DACH1: variants seen among roughly 807,000 people sequenced by gnomAD.
DACH1 encodes dachshund family transcription factor 1.
A neutral mutation model predicts 54.2 loss-of-function variants in DACH1; 12 were observed. That is an observed-to-expected ratio of 0.22 (90% CI 0.14 to 0.36). The LOEUF is 0.36. Among genes scored for constraint, DACH1 ranks in the 10% least tolerant of loss-of-function variants. DACH1 has a pLI of 1.00. For synonymous variants in DACH1, 386 were observed against 366.2 expected, an observed-to-expected ratio of 1.05 and a Z score of -0.62; for missense variants, 805 against 929.8, an observed-to-expected ratio of 0.87 and a Z score of 1.75.
intron 3 of DACH1, among the ~76,000 whole-genome samples, chr13:71,584,900 G>A (rs1400476094): frequency 2.6e-5 from 4 of 151,878 alleles, no homozygotes; most frequent in Non-Finnish European, 5.9e-5. Context: ...AAGAAATAGA[G>A]CAGAAAACAT....
chr13:71,815,892 T>C (rs934908185), intron 1 of DACH1, among the ~76,000 whole-genome samples: 14 of 152,104 alleles, frequency 9.2e-5, no homozygotes, highest in African/African-American at 2.7e-4. Flanking sequence ...GAGACCATCC[T>C]GGCTAACACG....
intron 1 of DACH1, among the ~76,000 whole-genome samples, chr13:71,716,955 G>A (rs1201397464): frequency 1.3e-5 from 2 of 152,086 alleles, no homozygotes; most frequent in African/African-American, 4.8e-5. Flanking sequence ...GCATGCATTA[G>A]GTAATTAACT....
rs73523456 is a variant in DACH1 at position 71,705,228 on chromosome 13, C to T, written c.849-23318G>A. 7.5e-3 allele frequency among the ~76,000 whole-genome samples: 1,146 copies of T among 152,196 alleles called. 20 individuals are homozygous for T. The highest frequency in any genetic ancestry group is 0.026 in the African/African-American group (1,082 of 41,546). ...GTAGACTGTCATAAATCTTGGACTT[C>T]GTTTTCCTCTAGTAATAATATTTTG... is the stretch of plus-strand genomic sequence containing the variant. On this transcript the variant is annotated intron_variant, in intron 1 of 10. Coordinates refer to ENST00000613252, the MANE Select transcript of DACH1 (RefSeq NM_080759.6).
intron 1 of DACH1, among the ~76,000 whole-genome samples, chr13:71,748,896 T>C (rs202216361): frequency 0.01 from 675 of 64,748 alleles, 8 homozygotes; most frequent in African/African-American, 0.028. Context: ...CTTTCTTTCT[T>C]TCTCTTTCTT....
chr13:71,491,281 T>C (rs1200061139), intron 6 of DACH1, among the ~76,000 whole-genome samples: 1 of 152,190 alleles, frequency 6.6e-6, no homozygotes, highest in African/African-American at 2.4e-5. Context: ...AATTGTTAAA[T>C]AGCTAATTCC....
chr13:71,605,296 A>G (rs1044399037), intron 3 of DACH1, among the ~76,000 whole-genome samples: 1 of 151,856 alleles, frequency 6.6e-6, no homozygotes, highest in African/African-American at 2.4e-5. Flanking sequence ...TATCGGGAAT[A>G]TATTCTTAGC....
At chr13:71,615,926 G>A (rs1875726357) in intron 3 of DACH1, among the ~76,000 whole-genome samples, 1 of 152,014 alleles carries the variant, frequency 6.6e-6, no homozygotes, top group African/African-American at 2.4e-5. Context: ...AGTGTTCAGA[G>A]AACTAATTTA....
intron 1 of DACH1, among the ~76,000 whole-genome samples, chr13:71,689,728 A>C (rs933046587): frequency 6.6e-6 from 1 of 152,182 alleles, no homozygotes; most frequent in Non-Finnish European, 1.5e-5. Context: ...AGAAAGAATT[A>C]AAACACATTG....
chr13:71,779,294 C>CAT (rs1176433186), intron 1 of DACH1, among the ~76,000 whole-genome samples: 5 of 61,158 alleles, frequency 8.2e-5, no homozygotes, highest in South Asian at 3.1e-4. Context: ...TATATATACA[C>CAT]ATATATATAT....
rs551468550 is a variant in DACH1 at position 71,744,598 on chromosome 13, T to C, written c.849-62688A>G. Among the ~76,000 whole-genome samples the C allele has an allele frequency of 2.0e-5, 3 of 152,244 alleles. No individual in the cohort carries two copies. In the East Asian group the frequency reaches 5.8e-4, roughly 29 times the overall value. On this transcript the variant is annotated intron_variant, in intron 1 of 10. Coordinates refer to ENST00000613252, the MANE Select transcript of DACH1 (RefSeq NM_080759.6). ...CACAAGAAGGCAAAAACTCTTACAA[T>C]TAGTGTAGCCAAACAGTAAGACCAT...
chr13:71,573,091 A>T, intron 3 of DACH1, 79 bp from the exon 4 acceptor site: 1 of 1,382,444 alleles, frequency 7.2e-7, no homozygotes, highest in Non-Finnish European at 9.9e-7. Flanking sequence ...AAGTTTTCTA[A>T]TAATGGTAGT....
chr13:71,530,765 C>T (rs1882363764), intron 6 of DACH1, among the ~76,000 whole-genome samples: 2 of 152,206 alleles, frequency 1.3e-5, no homozygotes, highest in African/African-American at 4.8e-5. Flanking sequence ...ACTTTGACAT[C>T]ATGTCAAATA....
At chr13:71,473,160 A>T (rs1877231792) in intron 10 of DACH1, among the ~76,000 whole-genome samples, 1 of 152,234 alleles carries the variant, frequency 6.6e-6, no homozygotes, top group Non-Finnish European at 1.5e-5. Flanking sequence ...AGTATGTTTT[A>T]TTAAAAAACA....
At chr13:71,821,429 A>ATTTAAATTGAAATTTAAATTCTAAGAT (rs1888180940) in intron 1 of DACH1, among the ~76,000 whole-genome samples, 1 of 131,218 alleles carries the variant, frequency 7.6e-6, no homozygotes. Context: ...AAGATTTTAA[A>ATTTAAATTGAAATTTAAATTCTAAGAT]TTTAAATTTA....
At chr13:71,673,292 A>G (rs1880315060) in intron 2 of DACH1, among the ~76,000 whole-genome samples, 1 of 152,154 alleles carries the variant, frequency 6.6e-6, no homozygotes, top group Non-Finnish European at 1.5e-5. Context: ...CTAGTAACAG[A>G]CCCAGGGTAT....
At chr13:71,491,628 T>C (rs1296515982) in intron 6 of DACH1, among the ~76,000 whole-genome samples, 1 of 152,154 alleles carries the variant, frequency 6.6e-6, no homozygotes, top group African/African-American at 2.4e-5. Flanking sequence ...AAAAAATGAT[T>C]CTTAAAGTCA....
rs1012122399 is a variant in DACH1 at position 71,488,324 on chromosome 13, A to C, written c.1722+673T>G. Among the ~76,000 whole-genome samples the C allele has an allele frequency of 8.5e-5, 13 of 152,264 alleles. No individual in the cohort carries two copies. In the East Asian group the frequency reaches 2.5e-3, roughly 29 times the overall value. On this transcript the variant is annotated intron_variant, in intron 7 of 10. Coordinates refer to ENST00000613252, the MANE Select transcript of DACH1 (RefSeq NM_080759.6). ...ATGATCACTTCATGTGTGGGCAAGA[A>C]AATTATGCTTTCTTCTATCCCAAAC...
chr13:71,726,675 G>A (rs756304999), intron 1 of DACH1, among the ~76,000 whole-genome samples: 2 of 151,816 alleles, frequency 1.3e-5, no homozygotes, highest in Non-Finnish European at 2.9e-5. Flanking sequence ...GTATAAAATA[G>A]TCTTATTTAT....
chr13:71,793,571 T>C (rs977499878), intron 1 of DACH1, among the ~76,000 whole-genome samples: 4 of 152,232 alleles, frequency 2.6e-5, no homozygotes, highest in Non-Finnish European at 4.4e-5. Context: ...GGTTTTGCTC[T>C]GTTGCCCAGG....
Sources: gnomAD v4.1 joint callset for allele counts (sites outside exome capture counted in the v4.1 genomes callset) on GRCh38, gnomAD v4.1.1 for gene constraint, MANE v1.5 for transcripts, NCBI Gene and HGNC (gene_info 2026-07-23, HGNC 2026-07-21) for gene names.